SCCPDH: variants seen among roughly 807,000 people sequenced by gnomAD.
SCCPDH encodes the protein saccharopine dehydrogenase (putative).
SCCPDH carries 34 observed loss-of-function variants against 51.5 expected under a neutral mutation model. That is an observed-to-expected ratio of 0.66 (90% CI 0.50 to 0.88). The LOEUF is 0.88. Among genes scored for constraint, SCCPDH ranks in the 40% least tolerant of loss-of-function variants. The probability of loss-of-function intolerance (pLI) is 0.00; values close to 1 mark genes in which losing one functional copy is unlikely to be tolerated. For synonymous variants in SCCPDH, 187 were observed against 191.3 expected, an observed-to-expected ratio of 0.98 and a Z score of 0.19; for missense variants, 464 against 527.1, an observed-to-expected ratio of 0.88 and a Z score of 1.17.
In SCCPDH at chr1:246,740,254, C is replaced by T. The variant is rs775999392; in HGVS notation, c.467C>T (p.Ser156Phe). 1.9e-6 allele frequency: 3 copies of T among 1,610,002 alleles called. No homozygotes were observed. The East Asian group carries it at 6.7e-5, about 36-fold the overall frequency. The change falls in exon 4 of 12, where the codon TCC (serine) becomes TTC (phenylalanine). Residue 156 changes from serine to phenylalanine, a missense_variant. Transcript: ENST00000366510. ...ATCATTGGAAGCAGCGGCTTTGACT[C>T]CATTCCAGCAGATCTGGGAGTAATA... ...VYIIGSSGFDSIPADLGVIYT... is the reference protein window; with the variant it reads ...VYIIGSSGFDFIPADLGVIYT...
At chr1:246,729,762 T>C (rs992807464) in intron 2 of SCCPDH, among the ~76,000 whole-genome samples, 7 of 152,116 alleles carry the variant, frequency 4.6e-5, no homozygotes, top group African/African-American at 1.7e-4. Flanking sequence ...ATTGGGGAAG[T>C]GATAAATGTC....
intron 10 of SCCPDH, among the ~76,000 whole-genome samples, chr1:246,765,291 C>T (rs1445667210): frequency 2.6e-5 from 4 of 152,068 alleles, no homozygotes; most frequent in African/African-American, 7.2e-5. Context: ...TTTATTGAGA[C>T]GGGGTCTCAC....
At chr1:246,751,609 A>G (rs1668851436) in intron 5 of SCCPDH, among the ~76,000 whole-genome samples, 1 of 152,176 alleles carries the variant, frequency 6.6e-6, no homozygotes, top group South Asian at 2.1e-4. Flanking sequence ...ATTATATGAC[A>G]TTTCTTGCAT....
chr1:246,760,716 A>G (rs1669000003), intron 9 of SCCPDH, among the ~76,000 whole-genome samples: 1 of 152,204 alleles, frequency 6.6e-6, no homozygotes, highest in African/African-American at 2.4e-5. Context: ...TGGCTTACAG[A>G]TCCCAACCCT....
At chr1:246,725,843 G>GA (rs1668390127) in intron 1 of SCCPDH, among the ~76,000 whole-genome samples, 1 of 152,106 alleles carries the variant, frequency 6.6e-6, no homozygotes, top group Non-Finnish European at 1.5e-5. Flanking sequence ...TTCACCTATT[G>GA]AAACCTGCAT....
In SCCPDH at chr1:246,764,249, G is replaced by A. The variant is rs1669058340; in HGVS notation, c.994G>A (p.Asp332Asn). The change falls in exon 10 of 12, where the codon GAT becomes AAT. Residue 332 changes from aspartate to asparagine, a missense_variant. Transcript: ENST00000366510. ...CCCTTTGCCTTCTCCTTCACAGATT[G>A]ATGCTGCCTCATTCACGCTGACATT... ...SKQGPTQKQI[D>N]AASFTLTFFG... 2 of 1,609,164 alleles carry A rather than the reference G, an allele frequency of 1.2e-6. No individual in the cohort carries two copies. The highest frequency in any genetic ancestry group is 3.3e-5 in the Admixed American group (2 of 59,744).
chr1:246,737,318 G>A (rs796515993), intron 3 of SCCPDH, among the ~76,000 whole-genome samples: 1 of 151,338 alleles, frequency 6.6e-6, no homozygotes, highest in South Asian at 2.1e-4. Context: ...GACTTGAGCT[G>A]GTGAGTTAAC....
At position 246,731,739 on chromosome 1, in the gene SCCPDH, G is replaced by A. The variant is rs535419563; in HGVS notation, c.304-4236G>A. Among the ~76,000 whole-genome samples, 50 of 143,138 alleles carry A rather than the reference G, an allele frequency of 3.5e-4. No individual in the cohort carries two copies. In the South Asian group the frequency reaches 0.01, roughly 30 times the overall value. The allele number at this position is 143,138 out of a possible 152,430, so 93.9% of individuals were successfully genotyped here. On this transcript the variant is annotated intron_variant, in intron 2 of 11. Transcript: ENST00000366510. ...TTTTGTTTTTGTTATTTTTATTTAA[G>A]TTCTAGGGTACATGTGCACAACATG...
At chr1:246,736,939 A>G (rs1668600966) in intron 3 of SCCPDH, among the ~76,000 whole-genome samples, 2 of 152,134 alleles carry the variant, frequency 1.3e-5, no homozygotes, top group Admixed American at 6.5e-5. Flanking sequence ...AGCTTAAGTA[A>G]CTCACTCAGT....
chr1:246,738,915 C>T (rs1461128445), intron 3 of SCCPDH, among the ~76,000 whole-genome samples: 1 of 152,168 alleles, frequency 6.6e-6, no homozygotes, highest in Non-Finnish European at 1.5e-5. Flanking sequence ...TGGAAGAATT[C>T]CAAATGATTT....
chr1:246,750,477 G>A (rs1668835581), intron 5 of SCCPDH, among the ~76,000 whole-genome samples: 1 of 152,178 alleles, frequency 6.6e-6, no homozygotes, highest in South Asian at 2.1e-4. Context: ...CATGGCACCC[G>A]AGTCTCTAGA....
In SCCPDH at chr1:246,751,281, ACT is replaced by A. The variant is rs567616049; in HGVS notation, c.565-6942_565-6941del. 5.8e-3 allele frequency among the ~76,000 whole-genome samples: 882 copies of A among 152,194 alleles called. 11 individuals are homozygous for A. Among genetic ancestry groups the A allele is most frequent in the African/African-American group, 0.02 (823 of 41,530 alleles). ...ATGTCTGACCATAAGTTTTTTATAG[ACT>A]CTTTTTAACCCTTTATAATTTTTGT... is the stretch of plus-strand genomic sequence containing the variant. On this transcript the variant is annotated intron_variant, in intron 5 of 11. Coordinates refer to ENST00000366510, the MANE Select transcript of SCCPDH (RefSeq NM_016002.3).
chr1:246,754,850 C>T (rs905628243), intron 5 of SCCPDH, among the ~76,000 whole-genome samples: 2 of 151,928 alleles, frequency 1.3e-5, no homozygotes, highest in African/African-American at 2.4e-5. Flanking sequence ...TTTGGTCTGT[C>T]TAGCCAAAAT....
chr1:246,758,821 G>GT (rs1572306185), intron 6 of SCCPDH, among the ~76,000 whole-genome samples: 8 of 149,688 alleles, frequency 5.3e-5, no homozygotes, highest in Admixed American at 6.7e-5. Context: ...GGAGCGTTCT[G>GT]GTTTTTTTTT....
At chr1:246,755,974 A>ACCCCGTACC (rs1668924919) in intron 5 of SCCPDH, 1 of 152,176 alleles carries the variant, frequency 6.6e-6, no homozygotes, top group African/African-American at 2.4e-5. Context: ...ATACTTTTGC[A>ACCCCGTACC]CCCCGTACCA....
At chr1:246,761,460 C>T (rs1669012091) in intron 9 of SCCPDH, among the ~76,000 whole-genome samples, 1 of 152,126 alleles carries the variant, frequency 6.6e-6, no homozygotes, top group Admixed American at 6.5e-5. Flanking sequence ...GTATTAAGTA[C>T]ATTCATCTTT....
chr1:246,767,124 TAGTG>T lies in SCCPDH; in HGVS notation c.1185-68_1185-65del. Reference sequence around the variant, plus strand: ...TTTCAGGGGTTCTGTAGCAATTTGATAGTGAGGCCTGTGAAATAGGAGACTGGAG... The same window carrying T: ...TTTCAGGGGTTCTGTAGCAATTTGATAGGCCTGTGAAATAGGAGACTGGAG... On this transcript the variant is annotated intron_variant, in intron 11 of 11. Coordinates refer to ENST00000366510, the MANE Select transcript of SCCPDH (RefSeq NM_016002.3). 5 of 1,011,058 alleles carry T rather than the reference TAGTG, an allele frequency of 4.9e-6. No individual in the cohort carries two copies. The South Asian group carries it at 7.4e-5, about 15-fold the overall frequency. 62.6% of individuals were successfully genotyped at this position (1,011,058 alleles called of 1,614,324 possible).
intron 3 of SCCPDH, among the ~76,000 whole-genome samples, chr1:246,738,521 A>C (rs1190647004): frequency 6.6e-6 from 1 of 151,796 alleles, no homozygotes; most frequent in Non-Finnish European, 1.5e-5. Context: ...AAAAAAAAAA[A>C]CCCAGAGTAT....
intron 5 of SCCPDH, among the ~76,000 whole-genome samples, chr1:246,750,749 G>A (rs1668840404): frequency 6.6e-6 from 1 of 152,230 alleles, no homozygotes; most frequent in African/African-American, 2.4e-5. Flanking sequence ...TACCCAACGA[G>A]TAAGGTGATC....
Sources: allele counts gnomAD v4.1 joint callset (sites outside exome capture counted in the v4.1 genomes callset), GRCh38; gene constraint gnomAD v4.1.1; transcripts MANE v1.5; gene names NCBI Gene and HGNC (gene_info 2026-07-23, HGNC 2026-07-21).